The following CUBN variants were observed in gnomAD, a reference collection of about 807,000 sequenced individuals.
The protein encoded by CUBN is 460 kDa receptor.
CUBN carries 282 observed loss-of-function variants against 405.3 expected under a neutral mutation model. The ratio of observed to expected loss-of-function variants is 0.70; its 90% CI spans 0.63 to 0.77. The LOEUF (loss-of-function observed/expected upper bound fraction) is 0.77, where lower values mean the gene tolerates loss of function less well. Ranked by LOEUF, CUBN falls within the 30% of genes least tolerant of loss-of-function variation. CUBN has a pLI of 0.00. For synonymous variants in CUBN, 1,684 were observed against 1,617.0 expected (o/e 1.04, Z -0.99); for missense variants, 4,514 against 4,475.2 (o/e 1.01, Z -0.25).
intron 22 of CUBN, among the ~76,000 whole-genome samples, chr10:17,053,709 C>T (rs76500553): frequency 0.021 from 3,174 of 152,170 alleles, 65 homozygotes; most frequent in East Asian, 0.066. Context: ...CTGACCAACA[C>T]TCAGCCGACT....
chr10:16,851,663 T>C (rs1839691888), intron 59 of CUBN, among the ~76,000 whole-genome samples: 1 of 130,794 alleles, frequency 7.6e-6, no homozygotes, highest in African/African-American at 2.8e-5. Flanking sequence ...CCTCCCTCTA[T>C]CTTTCCCTCC....
chr10:16,888,392 A>G, intron 56 of CUBN, 25 bp downstream of exon 56: 1 of 1,593,846 alleles, frequency 6.3e-7, no homozygotes, highest in Non-Finnish European at 8.6e-7. Context: ...AATTAAACGT[A>G]ATTTTTTTAA....
At chr10:16,978,535 T>C (rs945212813) in intron 31 of CUBN, among the ~76,000 whole-genome samples, 1 of 152,224 alleles carries the variant, frequency 6.6e-6, no homozygotes, top group African/African-American at 2.4e-5. Context: ...AATAACCTAA[T>C]CTTGTAAAAT....
Position 16,836,284 on chromosome 10 carries a change from A to T in CUBN, c.10131T>A (p.Ser3377=). ...TTCTAGAGTTTCTGTTTACAACTCCAGATTTGAAAATGACCATTGCAGTAC... is the reference window on the plus strand; with the variant it reads ...TTCTAGAGTTTCTGTTTACAACTCCTGATTTGAAAATGACCATTGCAGTAC... ...SMSTAMVIFK[S]GVVNRNSRMS... is the part of the protein sequence containing the mutation. Residue 3377 remains serine (S), a synonymous_variant, in exon 63 of 67, where the codon TCT becomes TCA. Coordinates refer to ENST00000377833, the MANE Select transcript of CUBN (RefSeq NM_001081.4). The T allele has an allele frequency of 6.2e-7, 1 of 1,613,912 alleles. No individual in the cohort carries two copies. The highest frequency in any genetic ancestry group is 8.5e-7 in the Non-Finnish European group (1 of 1,179,730).
chr10:17,045,947 A>G lies in CUBN; in HGVS notation c.3477T>C (p.Asp1159=), dbSNP rs2131820566. 6.2e-7 allele frequency: 1 copy of G among 1,613,908 alleles called. No homozygotes were observed. Among genetic ancestry groups the G allele is most frequent in the Non-Finnish European group, 8.5e-7 (1 of 1,179,938 alleles). The part of the protein sequence containing the change: ...DTRSGFSAYW[D]GSSTGCGGNL... ...TTTGCTATTTACCTGTTGATGACCC[A>G]TCCCAGTAAGCTGAGAATCCAGACC... Residue 1159 remains aspartate (D), a synonymous_variant, in exon 24 of 67, where the codon GAT becomes GAC. Coordinates refer to ENST00000377833, the MANE Select transcript of CUBN (RefSeq NM_001081.4).
At chr10:17,077,738 G>C (rs1835883042) in intron 17 of CUBN, among the ~76,000 whole-genome samples, 2 of 152,158 alleles carry the variant, frequency 1.3e-5, no homozygotes. Context: ...TGGGTGAGCA[G>C]GAGAGGAATG....
At chr10:17,104,872 A>T (rs1254120228) in intron 11 of CUBN, among the ~76,000 whole-genome samples, 7 of 148,396 alleles carry the variant, frequency 4.7e-5, no homozygotes, top group African/African-American at 1.0e-4. Context: ...GCAGTGGTGC[A>T]ATCTCAGCTC....
At chr10:16,879,573 G>A (rs775315151) in intron 56 of CUBN, among the ~76,000 whole-genome samples, 2 of 152,182 alleles carry the variant, frequency 1.3e-5, no homozygotes, top group African/African-American at 2.4e-5. Flanking sequence ...ACAAGAGCAC[G>A]CTGACAAAAT....
At position 16,888,401 on chromosome 10, in the gene CUBN, A is replaced by G; in HGVS notation, c.8905+16T>C. ...TTTGTCAATTAAACGTAATTTTTTT[A>G]AAAGAATAAACTTACCTTCTAAGTG... On this transcript the variant is annotated intron_variant, in intron 56 of 66. Coordinates refer to ENST00000377833, the MANE Select transcript of CUBN (RefSeq NM_001081.4). The G allele has an allele frequency of 1.2e-6, 2 of 1,604,698 alleles. No individual in the cohort carries two copies. The highest frequency in any genetic ancestry group is 8.5e-7 in the Non-Finnish European group (1 of 1,171,966).
rs1322649269 is a variant in CUBN, at chr10:17,044,209, CAT to C, written c.3673-228_3673-227del. ...TATATTTTTATATATGTATTCAACA[CAT>C]ATGTTTATATTTGCATTAAATACAT... On this transcript the variant is annotated intron_variant, in intron 25 of 66. Transcript: ENST00000377833. 1.2e-3 allele frequency among the ~76,000 whole-genome samples: 176 copies of C among 145,152 alleles called. 1 individual carries two copies. Among genetic ancestry groups the C allele is most frequent in the African/African-American group, 4.1e-3 (165 of 39,976 alleles).
intron 32 of CUBN, among the ~76,000 whole-genome samples, chr10:16,952,838 G>A (rs1842955375): frequency 6.6e-6 from 1 of 152,234 alleles, no homozygotes; most frequent in Non-Finnish European, 1.5e-5. Context: ...CTTGAAGAGG[G>A]AGAGGCGGTC....
intron 40 of CUBN, 76 bp from the exon 41 acceptor site, chr10:16,928,379 A>T (rs1321526934): frequency 6.6e-7 from 1 of 1,513,002 alleles, no homozygotes; most frequent in Admixed American, 1.7e-5. Context: ...GCTTAGCCAA[A>T]GCAGCTCACA....
intron 28 of CUBN, 62 bp downstream of exon 28, chr10:17,019,771 A>G (rs957703583): frequency 1.2e-6 from 2 of 1,609,386 alleles, no homozygotes; most frequent in African/African-American, 1.3e-5. Flanking sequence ...TGGAACTGAA[A>G]AAGAAAAAAT....
At chr10:17,044,199 G>A (rs955291454) in intron 25 of CUBN, among the ~76,000 whole-genome samples, 4 of 144,412 alleles carry the variant, frequency 2.8e-5, no homozygotes, top group African/African-American at 7.6e-5. Flanking sequence ...TTTTATATAT[G>A]TATTCAACAC....
At chr10:16,889,770 C>T (rs1840937353) in intron 55 of CUBN, among the ~76,000 whole-genome samples, 2 of 151,478 alleles carry the variant, frequency 1.3e-5, no homozygotes, top group African/African-American at 4.9e-5. Flanking sequence ...GGCATGGTGG[C>T]ACACACCTGT....
intron 31 of CUBN, among the ~76,000 whole-genome samples, chr10:16,954,919 AATG>A (rs1843010257): frequency 6.6e-6 from 1 of 152,314 alleles, no homozygotes; most frequent in Non-Finnish European, 1.5e-5. Flanking sequence ...GACGAGAAAT[AATG>A]ATGAGTGATG....
intron 36 of CUBN, among the ~76,000 whole-genome samples, chr10:16,945,379 A>G (rs994067628): frequency 6.6e-6 from 1 of 152,194 alleles, no homozygotes; most frequent in Non-Finnish European, 1.5e-5. Flanking sequence ...AGCTTAATAA[A>G]TATCTGTTGA....
intron 17 of CUBN, among the ~76,000 whole-genome samples, chr10:17,080,030 T>C (rs1835934398): frequency 6.6e-6 from 1 of 152,186 alleles, no homozygotes; most frequent in Admixed American, 6.6e-5. Flanking sequence ...CTGCCTCAGC[T>C]TCTGCTCTCC....
In CUBN at chr10:16,918,649, C is replaced by T; in HGVS notation, c.6973G>A (p.Val2325Met). ...RFRSDNSPTHVGFKAKYSIAQ... is the reference protein window; with the variant it reads ...RFRSDNSPTHMGFKAKYSIAQ... Reference sequence around the variant, plus strand: ...ATAGAATACTTGGCCTTGAATCCCACATGTGTGGGGCTGTTGTCAGATCGA... The same window carrying T: ...ATAGAATACTTGGCCTTGAATCCCATATGTGTGGGGCTGTTGTCAGATCGA... Residue 2325 changes from valine to methionine, a missense_variant, in exon 45 of 67, where the codon GTG becomes ATG. Transcript: ENST00000377833. 6.2e-7 allele frequency: 1 copy of T among 1,613,880 alleles called. No homozygotes were observed. The highest frequency in any genetic ancestry group is 1.1e-5 in the South Asian group (1 of 91,072).
Sources: gnomAD v4.1 joint callset for allele counts (sites outside exome capture counted in the v4.1 genomes callset) on GRCh38, gnomAD v4.1.1 for gene constraint, MANE v1.5 for transcripts, NCBI Gene and HGNC (gene_info 2026-07-23, HGNC 2026-07-21) for gene names.